The following KPNA1 variants were observed in gnomAD, a reference collection of about 807,000 sequenced individuals.
KPNA1 encodes importin subunit alpha-5.
A neutral mutation model predicts 70.5 loss-of-function variants in KPNA1; 10 were observed. The ratio of observed to expected loss-of-function variants is 0.14; its 90% CI spans 0.09 to 0.24. The LOEUF (loss-of-function observed/expected upper bound fraction) is 0.24. Among genes scored for constraint, KPNA1 ranks in the 10% least tolerant of loss-of-function variants. The pLI is 1.00. For synonymous variants in KPNA1, 192 were observed against 221.9 expected (o/e 0.87, Z 1.20); for missense variants, 397 against 637.9 (o/e 0.62, Z 4.07).
rs776568554 is a variant in KPNA1 at position 122,463,920 on chromosome 3, ACTG to A, written c.337+19_337+21del. On this transcript the variant is annotated intron_variant, in intron 4 of 13. Transcript: ENST00000344337. ...ATTTTGTAGAGAGATGAAAAAATAT[ACTG>A]AACATATTCATAGCTCACCTTTTGA... 5.8e-6 allele frequency: 8 copies of A among 1,368,168 alleles called. No individual in the cohort carries two copies. In the African/African-American group the frequency reaches 8.7e-5, roughly 15 times the overall value. The allele number at this position is 1,368,168 out of a possible 1,614,324, so 84.8% of individuals were successfully genotyped here.
At chr3:122,452,833 AAGAC>A (rs564889919) in intron 6 of KPNA1, among the ~76,000 whole-genome samples, 118 of 152,120 alleles carry the variant, frequency 7.8e-4, no homozygotes, top group Middle Eastern at 3.4e-3. Context: ...GAAAGAGAGA[AAGAC>A]AGAAAGAAAA....
intron 5 of KPNA1, among the ~76,000 whole-genome samples, chr3:122,455,787 C>T (rs1034646259): frequency 1.3e-5 from 2 of 152,144 alleles, no homozygotes; most frequent in Admixed American, 6.5e-5. Context: ...AACTCCTGAT[C>T]TCAAGTCATC....
At chr3:122,491,462 C>CT (rs1171612144) in intron 2 of KPNA1, among the ~76,000 whole-genome samples, 13 of 152,330 alleles carry the variant, frequency 8.5e-5, no homozygotes, top group African/African-American at 2.9e-4. Flanking sequence ...GTGATAAAAA[C>CT]TGTAGCGGCC....
At chr3:122,444,894 G>A (rs1225011734) in intron 9 of KPNA1, among the ~76,000 whole-genome samples, 1 of 152,206 alleles carries the variant, frequency 6.6e-6, no homozygotes, top group Admixed American at 6.5e-5. Context: ...AACCTCATCT[G>A]TAGGTCACCA....
chr3:122,472,169 G>A (rs1377302171), intron 2 of KPNA1, among the ~76,000 whole-genome samples: 1 of 152,108 alleles, frequency 6.6e-6, no homozygotes, highest in Non-Finnish European at 1.5e-5. Flanking sequence ...TATTCATCAA[G>A]ATAGACCACA....
At chr3:122,502,545 A>G (rs977402833) in intron 1 of KPNA1, among the ~76,000 whole-genome samples, 4 of 152,224 alleles carry the variant, frequency 2.6e-5, no homozygotes, top group Non-Finnish European at 4.4e-5. Flanking sequence ...GAACTGTGAG[A>G]AAATAAATTT....
At chr3:122,433,939 T>C (rs2075950135) in intron 11 of KPNA1, 151 bp from the exon 12 acceptor site, 9 of 609,650 alleles carry the variant, frequency 1.5e-5, no homozygotes, top group Admixed American at 3.5e-5. Flanking sequence ...ATCTCTAACC[T>C]TTTTTTTTCT....
intron 2 of KPNA1, among the ~76,000 whole-genome samples, chr3:122,476,383 G>C (rs980565296): frequency 1.1e-4 from 17 of 152,084 alleles, no homozygotes; most frequent in Non-Finnish European, 4.4e-5. Flanking sequence ...TTTTTGGATG[G>C]AACCCCAAAA....
intron 2 of KPNA1, among the ~76,000 whole-genome samples, chr3:122,475,080 G>A (rs574548315): frequency 6.6e-6 from 1 of 152,246 alleles, no homozygotes; most frequent in Non-Finnish European, 1.5e-5. Flanking sequence ...CCTGATTGCT[G>A]AAGACATATC....
At chr3:122,480,205 G>C (rs376523651) in intron 2 of KPNA1, among the ~76,000 whole-genome samples, 1 of 152,114 alleles carries the variant, frequency 6.6e-6, no homozygotes, top group South Asian at 2.1e-4. Flanking sequence ...TTTTAGCACA[G>C]GGAATCTACT....
chr3:122,453,496 T>C (rs531360620), intron 6 of KPNA1, among the ~76,000 whole-genome samples: 342 of 151,842 alleles, frequency 2.3e-3, no homozygotes, highest in African/African-American at 7.8e-3. Context: ...CCCCTTATTA[T>C]GTTGGGAAAT....
Position 122,496,747 on chromosome 3 carries a change from G to A in KPNA1, c.-5-177C>T, listed in dbSNP as rs144380100. On this transcript the variant is annotated intron_variant, in intron 1 of 13. Transcript: ENST00000344337. ...AGACAAGGTCTTGCTCTGTCCACCC[G>A]GACTGGAGTACAGTGGTGCAATCAT... The A allele has an allele frequency of 2.7e-3, 1,343 of 496,494 alleles. 5 individuals carry two copies. The highest frequency in any genetic ancestry group is 0.011 in the Middle Eastern group (21 of 1,976). The allele number at this position is 496,494 out of a possible 1,614,324, so 30.8% of individuals were successfully genotyped here.
At chr3:122,449,136 C>T (rs1023831686) in intron 9 of KPNA1, among the ~76,000 whole-genome samples, 5 of 152,086 alleles carry the variant, frequency 3.3e-5, no homozygotes, top group South Asian at 2.1e-4. Context: ...ATTTATGTCA[C>T]GAGTAAATCT....
chr3:122,457,849 C>T (rs2076280696), intron 5 of KPNA1: 1 of 1,288,944 alleles, frequency 7.8e-7, no homozygotes, highest in Admixed American at 2.3e-5. Flanking sequence ...CCAGGCTCAC[C>T]TGGAGAGCAA....
chr3:122,454,176 A>G (rs1202370521), intron 5 of KPNA1, among the ~76,000 whole-genome samples, 175 bp from the exon 6 acceptor site: 1 of 152,232 alleles, frequency 6.6e-6, no homozygotes, highest in African/African-American at 2.4e-5. Context: ...AAATACCTCA[A>G]CCTAGAAGAA....
intron 1 of KPNA1, among the ~76,000 whole-genome samples, chr3:122,506,180 C>G (rs2076888500): frequency 6.6e-6 from 1 of 152,122 alleles, no homozygotes. Context: ...ATCTCAAACA[C>G]ATTCTAAATG....
At chr3:122,449,790 G>A (rs2076179802) in intron 8 of KPNA1, 53 bp from the exon 9 acceptor site, 1 of 1,491,320 alleles carries the variant, frequency 6.7e-7, no homozygotes, top group Non-Finnish European at 9.2e-7. Flanking sequence ...AGCCAGAAGT[G>A]AGGTGAGATA....
intron 5 of KPNA1, chr3:122,459,906 C>CTA: frequency 1.0e-6 from 1 of 985,314 alleles, no homozygotes; most frequent in Non-Finnish European, 1.2e-6. Flanking sequence ...TATGAATAAT[C>CTA]TATAATGGTG....
At position 122,502,411 on chromosome 3, in the gene KPNA1, T is replaced by C. The variant is rs182922125; in HGVS notation, c.-5-5841A>G. 2.2e-3 allele frequency among the ~76,000 whole-genome samples: 332 copies of C among 152,300 alleles called. 2 individuals carry two copies. Among genetic ancestry groups the C allele is most frequent in the South Asian group, 8.9e-3 (43 of 4,828 alleles). On this transcript the variant is annotated intron_variant, in intron 1 of 13. Coordinates refer to ENST00000344337, the MANE Select transcript of KPNA1 (RefSeq NM_002264.4). ...GTGTCGTTATAACAGAATGAGACAC[T>C]AGAGACTTCTCTGAGAGATACAGAG...
Sources: gnomAD v4.1 joint callset for allele counts (sites outside exome capture counted in the v4.1 genomes callset) on GRCh38, gnomAD v4.1.1 for gene constraint, MANE v1.5 for transcripts, NCBI Gene and HGNC (gene_info 2026-07-23, HGNC 2026-07-21) for gene names.